CMTR1: variants seen among roughly 807,000 people sequenced by gnomAD.
CMTR1 encodes cap methyltransferase 1.
Under a neutral mutation model 107.0 loss-of-function variants are expected in CMTR1, and 39 were observed. That is an observed-to-expected ratio of 0.36 (90% CI 0.28 to 0.48). CMTR1 has a LOEUF of 0.48. Among genes scored for constraint, CMTR1 ranks in the 20% least tolerant of loss-of-function variants. The probability of loss-of-function intolerance (pLI) is 0.99; values close to 1 mark genes in which losing one functional copy is unlikely to be tolerated. For synonymous variants in CMTR1, 366 were observed against 379.5 expected (o/e 0.96, Z 0.41); for missense variants, 672 against 1,064.9 (o/e 0.63, Z 5.14).
At chr6:37,427,332 T>G in the CMTR1 span, among the ~76,000 whole-genome samples, 5 of 152,298 alleles carry the variant, frequency 3.3e-5, no homozygotes, top group Non-Finnish European at 5.9e-5. The surrounding 1 kb of genome is among the most constrained non-coding windows in gnomAD (Gnocchi z 4.4). Context: ...CACCCAATTT[T>G]GACAATTTTG....
intron 8 of CMTR1, among the ~76,000 whole-genome samples, chr6:37,455,766 T>A (rs774169739): frequency 1.4e-4 from 21 of 152,234 alleles, no homozygotes; most frequent in Non-Finnish European, 2.8e-4. Context: ...CTGAGGAAGT[T>A]GATCTGATTG....
intron 2 of CMTR1, among the ~76,000 whole-genome samples, chr6:37,442,104 T>C (rs921117787): frequency 2.6e-5 from 4 of 152,252 alleles, no homozygotes; most frequent in Admixed American, 2.6e-4. Context: ...ATTAACCTTA[T>C]CTATTAGATT....
chr6:37,462,886 C>T lies in CMTR1; in HGVS notation c.1383C>T (p.Phe461=), dbSNP rs542774031. ...VGIDDVRDYL[F]AVNIKLNQLR... ...TAGATGATGTTCGGGATTACCTCTT[C>T]GCAGTGAATATTAAACTCAATCAGC... The change falls in exon 13 of 24, where the codon TTC becomes TTT. Residue 461 remains phenylalanine (F), a synonymous_variant. Transcript: ENST00000373451. 5.6e-6 allele frequency: 9 copies of T among 1,613,874 alleles called. No homozygotes were observed. The highest frequency in any genetic ancestry group is 5.5e-5 in the South Asian group (5 of 91,054).
chr6:37,435,947 G>A (rs1369620077), intron 2 of CMTR1, among the ~76,000 whole-genome samples, 185 bp downstream of exon 2: 1 of 152,168 alleles, frequency 6.6e-6, no homozygotes, highest in Non-Finnish European at 1.5e-5. Context: ...CTAAGAGTGG[G>A]GAAACTTGTT....
Position 37,444,126 on chromosome 6 carries a change from T to G in CMTR1, c.261T>G (p.Tyr87Ter). ...GAACTTCTTCTCGCTATTCCATGTA[T>G]AATAGCGTCTCCCAGAAGCTTATGG... ...VEGTSSRYSM[Y>*]NSVSQKLMAK... The change falls in exon 3 of 24, where the codon TAT (tyrosine) becomes TAG (stop). Residue 87 changes from tyrosine (Y) to a stop codon, truncating the protein, a stop_gained. Transcript: ENST00000373451. LOFTEE classifies it high-confidence loss of function. 6.2e-7 allele frequency: 1 copy of G among 1,614,218 alleles called. No homozygotes were observed.
Position 37,462,978 on chromosome 6 carries a change from T to TA in CMTR1, c.1475_1476insA (p.Phe492LeufsTer3). 6.2e-7 allele frequency: 1 copy of TA among 1,614,042 alleles called. No homozygotes were observed. The highest frequency in any genetic ancestry group is 8.5e-7 in the Non-Finnish European group (1 of 1,180,012). Reference sequence around the variant, plus strand: ...GAGGTGATCAAGGGAGACCATGAATTTACTGACTACATGATACGGTCCAAT... The same window carrying TA: ...GAGGTGATCAAGGGAGACCATGAATTATACTGACTACATGATACGGTCCAAT... On this transcript the variant is annotated frameshift_variant, in exon 13 of 24. Transcript: ENST00000373451. LOFTEE classifies it high-confidence loss of function.
intron 16 of CMTR1, among the ~76,000 whole-genome samples, chr6:37,473,133 A>G (rs1218037401): frequency 6.6e-6 from 1 of 152,178 alleles, no homozygotes; most frequent in African/African-American, 2.4e-5. Context: ...TCTCAAACCA[A>G]CTGCTGGAGA....
intron 13 of CMTR1, 73 bp downstream of exon 13, chr6:37,463,081 G>A (rs1479061989): frequency 6.8e-7 from 1 of 1,461,352 alleles, no homozygotes; most frequent in East Asian, 2.3e-5. Context: ...AGACTGAATG[G>A]TTGGCTCTTG....
At chr6:37,462,130 G>C in intron 12 of CMTR1, 28 bp downstream of exon 12, 1 of 1,612,856 alleles carries the variant, frequency 6.2e-7, no homozygotes, top group Non-Finnish European at 8.5e-7. Flanking sequence ...ATATTAGCCA[G>C]ATTAATTGGC....
chr6:37,426,251 G>T, the CMTR1 span, among the ~76,000 whole-genome samples: 1 of 151,700 alleles, frequency 6.6e-6, no homozygotes, highest in African/African-American at 2.4e-5. Context: ...TTAAGTCTTT[G>T]TCTAGTAGAT....
intron 6 of CMTR1, 79 bp from the exon 7 acceptor site, chr6:37,452,968 C>A: frequency 8.2e-7 from 1 of 1,217,602 alleles, no homozygotes; most frequent in Non-Finnish European, 1.2e-6. Flanking sequence ...CCTTGGAGGG[C>A]TGTGAGTTGG....
At chr6:37,426,996 G>C in the CMTR1 span, among the ~76,000 whole-genome samples, 1 of 152,114 alleles carries the variant, frequency 6.6e-6, no homozygotes, top group African/African-American at 2.4e-5. Flanking sequence ...TCAGGGCATG[G>C]ATCCCCCATA....
intron 6 of CMTR1, 115 bp downstream of exon 6, chr6:37,451,992 G>T: frequency 1.3e-6 from 1 of 761,572 alleles, no homozygotes; most frequent in Non-Finnish European, 2.2e-6. Flanking sequence ...ATTTTTGCTG[G>T]AGATCAGATG....
chr6:37,447,571 A>AC (rs1224692996), intron 4 of CMTR1, among the ~76,000 whole-genome samples: 1 of 152,160 alleles, frequency 6.6e-6, no homozygotes, highest in Non-Finnish European at 1.5e-5. Flanking sequence ...ATCTGAAATC[A>AC]CCCTATAGGC....
At chr6:37,476,796 G>A (rs537799146) in intron 20 of CMTR1, among the ~76,000 whole-genome samples, 2 of 152,324 alleles carry the variant, frequency 1.3e-5, no homozygotes, top group African/African-American at 4.8e-5. Flanking sequence ...AGCTTCATGC[G>A]GCTGGAGACT....
chr6:37,465,400 C>T (rs774424789), intron 13 of CMTR1, among the ~76,000 whole-genome samples: 11 of 152,060 alleles, frequency 7.2e-5, no homozygotes, highest in African/African-American at 1.5e-4. Flanking sequence ...TTTATTTTAA[C>T]CATTTGGTGC....
intron 2 of CMTR1, among the ~76,000 whole-genome samples, chr6:37,443,053 A>G (rs1229449755): frequency 6.6e-6 from 1 of 152,254 alleles, no homozygotes; most frequent in Non-Finnish European, 1.5e-5. Context: ...CTTTCGTGGT[A>G]TAAAAATGTA....
chr6:37,454,418 T>C (rs776903661), intron 8 of CMTR1, among the ~76,000 whole-genome samples: 3 of 152,238 alleles, frequency 2.0e-5, no homozygotes, highest in Non-Finnish European at 2.9e-5. Context: ...ACAAAAGGGC[T>C]CTTGGAATTA....
chr6:37,458,678 G>A lies in CMTR1; in HGVS notation c.844G>A (p.Gly282Ser). Residue 282 changes from glycine (G) to serine (S), a missense_variant, in exon 9 of 24, where the codon GGC becomes AGC. Transcript: ENST00000373451. This position sits in a 1 kb window ranked among gnomAD's most constrained non-coding sequence, Gnocchi z 4.7. ...YFADVCAGPG[G>S]FSEYVLWRKK... Reference sequence around the variant, plus strand: ...TGCTGATGTCTGCGCAGGCCCAGGTGGCTTCTCAGAGTATGTGCTGTGGAG... The same window carrying A: ...TGCTGATGTCTGCGCAGGCCCAGGTAGCTTCTCAGAGTATGTGCTGTGGAG... 1 of 1,614,122 alleles carries A rather than the reference G, an allele frequency of 6.2e-7. No homozygotes were observed.
Sources: gnomAD v4.1 joint callset for allele counts (sites outside exome capture counted in the v4.1 genomes callset) on GRCh38, gnomAD v4.1.1 for gene constraint, Gnocchi (gnomAD v3.1) non-coding constraint, MANE v1.5 for transcripts, NCBI Gene and HGNC (gene_info 2026-07-23, HGNC 2026-07-21) for gene names.